The following ATP4B variants were observed in gnomAD, a reference collection of about 807,000 sequenced individuals.
ATP4B encodes potassium-transporting ATPase subunit beta.
In ATP4B, 27 loss-of-function variants were observed where a neutral mutation model predicts 35.3. The ratio of observed to expected loss-of-function variants is 0.76; its 90% CI spans 0.56 to 1.05. The LOEUF (loss-of-function observed/expected upper bound fraction) is 1.05, where lower values mean the gene tolerates loss of function less well. ATP4B is among the 50% of genes least tolerant of loss of function. The pLI is 0.00. For synonymous variants in ATP4B, 162 were observed against 156.0 expected (o/e 1.04, Z -0.29); for missense variants, 375 against 384.8 (o/e 0.97, Z 0.21).
Position 113,650,344 on chromosome 13 carries a change from T to C in ATP4B, c.714+62A>G, listed in dbSNP as rs2049702136. 2 of 1,495,642 alleles carry C rather than the reference T, an allele frequency of 1.3e-6. No homozygotes were observed. The highest frequency in any genetic ancestry group is 2.8e-5 in the African/African-American group (2 of 72,398). The allele number at this position is 1,495,642 out of a possible 1,614,324, so 92.6% of individuals were successfully genotyped here. A position where few individuals can be genotyped will look rare whatever the true frequency, so the allele number is the denominator to read the frequency against. ...ACATGAAGGGGCTTATTGCTTTCCT[T>C]TCGCTAAGTGTGAGAGGACTCAGCA... is the stretch of plus-strand genomic sequence containing the variant. On this transcript the variant is annotated intron_variant, in intron 6 of 6. Coordinates refer to ENST00000335288, the MANE Select transcript of ATP4B (RefSeq NM_000705.4). The surrounding 1 kb of genome is among the most constrained non-coding windows in gnomAD (Gnocchi z 5.0).
intron 2 of ATP4B, among the ~76,000 whole-genome samples, chr13:113,653,682 C>G (rs1373214151): frequency 1.3e-5 from 2 of 152,216 alleles, no homozygotes; most frequent in Non-Finnish European, 2.9e-5. Context: ...TGGGGGGTGG[C>G]TGGCTCTCTC....
chr13:113,654,760 G>T, intron 2 of ATP4B, 54 bp downstream of exon 2: 1 of 1,588,782 alleles, frequency 6.3e-7, no homozygotes, highest in African/African-American at 1.3e-5. Flanking sequence ...CAGAGCCGAG[G>T]AGGCGGCAGC....
At chr13:113,656,992 A>C (rs1171806337) in intron 1 of ATP4B, among the ~76,000 whole-genome samples, 3 of 152,122 alleles carry the variant, frequency 2.0e-5, no homozygotes, top group African/African-American at 7.2e-5. Context: ...CCTCTCTAGG[A>C]ACGGGGTATT....
At chr13:113,654,326 G>A (rs908503443) in intron 2 of ATP4B, among the ~76,000 whole-genome samples, 2 of 152,322 alleles carry the variant, frequency 1.3e-5, no homozygotes, top group South Asian at 2.1e-4. Flanking sequence ...GGCCTCTGAC[G>A]ACTCGGATGC....
intron 2 of ATP4B, 121 bp downstream of exon 2, chr13:113,654,693 C>T (rs879346519): frequency 4.9e-5 from 71 of 1,439,756 alleles, no homozygotes; most frequent in Admixed American, 9.8e-5. Context: ...CTGGGGCTGC[C>T]GGGCTGGCTT....
In ATP4B at chr13:113,658,055, C is replaced by T. The variant is rs763244278; in HGVS notation, c.90G>A (p.Leu30=). The T allele has an allele frequency of 1.9e-6, 3 of 1,607,340 alleles. No homozygotes were observed. The Admixed American group carries it at 5.0e-5, about 27-fold the overall frequency. ...TACCCCACCGGGACAGGGTGCGGCC[C>T]AGCATCTGCCCCGTGTCCGGGTTCC... ...YCWNPDTGQM[L]GRTLSRWVWI... The change falls in exon 1 of 7, where the codon CTG becomes CTA. Residue 30 remains leucine, a synonymous_variant. Transcript: ENST00000335288.
In ATP4B at chr13:113,653,105, G is replaced by A. The variant is rs1211827410; in HGVS notation, c.356-33C>T. 3 of 1,587,094 alleles carry A rather than the reference G, an allele frequency of 1.9e-6. No homozygotes were observed. The South Asian group carries it at 3.4e-5, about 18-fold the overall frequency. ...CGGACGCACCTGCCAGCCCTGTCCT[G>A]CCCTGGCCCTGACGCCTGGCTGCCC... On this transcript the variant is annotated intron_variant, in intron 3 of 6. Coordinates refer to ENST00000335288, the MANE Select transcript of ATP4B (RefSeq NM_000705.4).
intron 1 of ATP4B, among the ~76,000 whole-genome samples, chr13:113,656,989 A>T (rs2049760071): frequency 6.6e-6 from 1 of 152,076 alleles, no homozygotes; most frequent in African/African-American, 2.4e-5. Flanking sequence ...CTGCCTCTCT[A>T]GGAACGGGGT....
intron 1 of ATP4B, among the ~76,000 whole-genome samples, chr13:113,657,262 C>A (rs764533775): frequency 2.0e-5 from 3 of 152,180 alleles, no homozygotes; most frequent in Non-Finnish European, 2.9e-5. Context: ...CCCTGGGAGC[C>A]GGGGACGGCA....
chr13:113,650,806 C>G lies in ATP4B; in HGVS notation c.613-299G>C, dbSNP rs564487943. 4.3e-4 allele frequency among the ~76,000 whole-genome samples: 66 copies of G among 152,132 alleles called. No homozygotes were observed. Among genetic ancestry groups the G allele is most frequent in the Non-Finnish European group, 7.8e-4 (53 of 67,984 alleles). On this transcript the variant is annotated intron_variant, in intron 5 of 6. Transcript: ENST00000335288. The surrounding 1 kb of genome is among the most constrained non-coding windows in gnomAD (Gnocchi z 5.0). The stretch of plus-strand genomic sequence containing the variant: ...GGGAGGCGGCTTGCTTGTCTGTACT[C>G]GAGGGTAGCCACTGCTCAGTGGCAA...
At chr13:113,651,361 G>A (rs1340127537) in intron 5 of ATP4B, among the ~76,000 whole-genome samples, 2 of 152,190 alleles carry the variant, frequency 1.3e-5, no homozygotes, top group African/African-American at 4.8e-5. Context: ...ACATAAAAAG[G>A]ACAGAACTGG....
intron 1 of ATP4B, among the ~76,000 whole-genome samples, chr13:113,657,594 G>T (rs781397716): frequency 1.3e-5 from 2 of 152,230 alleles, no homozygotes; most frequent in African/African-American, 2.4e-5. Flanking sequence ...GCATCTGGAC[G>T]CCAGCGGGTG....
rs546742093 is a variant in ATP4B, at chr13:113,652,243, G to A, written c.556-516C>T. ...CACAGTGGCCACCACGCCCTGCTGG[G>A]ACCCCCGTCACAGCCCCTCCATGCC... On this transcript the variant is annotated intron_variant, in intron 4 of 6. Transcript: ENST00000335288. Among the ~76,000 whole-genome samples the A allele has an allele frequency of 4.6e-5, 7 of 152,350 alleles. No homozygotes were observed. The South Asian group carries it at 1.5e-3, about 32-fold the overall frequency.
At chr13:113,657,925 G>A (rs891302875) in intron 1 of ATP4B, 108 bp downstream of exon 1, 20 of 890,898 alleles carry the variant, frequency 2.2e-5, no homozygotes, top group Non-Finnish European at 3.2e-5. Context: ...CAGCATCGGG[G>A]TCTCACTGTC....
intron 2 of ATP4B, among the ~76,000 whole-genome samples, chr13:113,654,047 G>C (rs950079561): frequency 6.6e-6 from 1 of 152,122 alleles, no homozygotes; most frequent in Non-Finnish European, 1.5e-5. Flanking sequence ...TCCACTTCCC[G>C]TGCGATTGGG....
Position 113,649,276 on chromosome 13 carries a change from G to A in ATP4B, c.*98C>T, listed in dbSNP as rs987745939. 13 of 1,425,752 alleles carry A rather than the reference G, an allele frequency of 9.1e-6. No individual in the cohort carries two copies. In the Admixed American group the frequency reaches 1.9e-4, roughly 21 times the overall value. The allele number at this position is 1,425,752 out of a possible 1,614,324, so 88.3% of individuals were successfully genotyped here. On this transcript the variant is annotated 3_prime_UTR_variant, in exon 7 of 7. Coordinates refer to ENST00000335288, the MANE Select transcript of ATP4B (RefSeq NM_000705.4). The surrounding 1 kb of genome is among the most constrained non-coding windows in gnomAD (Gnocchi z 4.7). ...CACCGTTGCTCCAAACCACTTTGGG[G>A]ATGATTTGGCAGGGAACTGACGGGC...
Position 113,658,162 on chromosome 13 carries a change from C to T in ATP4B, c.-18G>A, listed in dbSNP as rs768364102. On this transcript the variant is annotated 5_prime_UTR_variant, in exon 1 of 7. Transcript: ENST00000335288. ...GCCGCCATCGTCCCTGGCCTGAGAT[C>T]CTCCCGTCTGCTCCCTGCACCCTCT... The T allele has an allele frequency of 6.2e-7, 1 of 1,604,218 alleles. No individual in the cohort carries two copies. Among genetic ancestry groups the T allele is most frequent in the African/African-American group, 1.3e-5 (1 of 74,750 alleles).
chr13:113,649,687 T>G lies in ATP4B; in HGVS notation c.715-152A>C, dbSNP rs995641654. On this transcript the variant is annotated intron_variant, in intron 6 of 6. Transcript: ENST00000335288. This position sits in a 1 kb window ranked among gnomAD's most constrained non-coding sequence, Gnocchi z 4.7. ...CTGACCGAGTGCATGCCCTGGAATTTGCTGAGATAACACCCCCCATGTAAA... is the reference window on the plus strand; with the variant it reads ...CTGACCGAGTGCATGCCCTGGAATTGGCTGAGATAACACCCCCCATGTAAA... 2 of 870,102 alleles carry G rather than the reference T, an allele frequency of 2.3e-6. No individual in the cohort carries two copies. The highest frequency in any genetic ancestry group is 3.3e-6 in the Non-Finnish European group (2 of 612,910). The allele number at this position is 870,102 out of a possible 1,614,324, so 53.9% of individuals were successfully genotyped here.
intron 1 of ATP4B, among the ~76,000 whole-genome samples, chr13:113,656,693 G>T (rs1489636381): frequency 6.6e-6 from 1 of 152,162 alleles, no homozygotes; most frequent in African/African-American, 2.4e-5. Context: ...TTTTGTTTTT[G>T]TCATTTCACT....
Sources: allele counts gnomAD v4.1 joint callset (sites outside exome capture counted in the v4.1 genomes callset), GRCh38; gene constraint gnomAD v4.1.1; non-coding constraint Gnocchi (gnomAD v3.1); transcripts MANE v1.5; gene names NCBI Gene and HGNC (gene_info 2026-07-23, HGNC 2026-07-21).